The following TPP2 variants were observed in gnomAD, a reference collection of about 807,000 sequenced individuals.
TPP2 encodes tripeptidyl-peptidase 2.
Under a neutral mutation model 155.9 loss-of-function variants are expected in TPP2, and 34 were observed. The ratio of observed to expected loss-of-function variants is 0.22; its 90% CI spans 0.17 to 0.29. TPP2 has a LOEUF of 0.29. Among genes scored for constraint, TPP2 ranks in the 10% least tolerant of loss-of-function variants. TPP2 has a pLI of 1.00. For synonymous variants in TPP2, 510 were observed against 529.4 expected (o/e 0.96, Z 0.50); for missense variants, 1,028 against 1,522.3 (o/e 0.68, Z 5.40).
intron 6 of TPP2, among the ~76,000 whole-genome samples, chr13:102,624,923 G>C (rs1427674027): frequency 3.6e-5 from 5 of 139,464 alleles, no homozygotes; most frequent in South Asian, 2.4e-4. Context: ...CAGGTGGCAC[G>C]GTCTCGGCTC....
intron 22 of TPP2, 23 bp from the exon 23 acceptor site, chr13:102,649,385 T>C (rs771762783): frequency 1.3e-6 from 2 of 1,590,156 alleles, no homozygotes; most frequent in Non-Finnish European, 8.5e-7. Flanking sequence ...TTGCTTTTTT[T>C]CTCTTTGAAT....
intron 2 of TPP2, 86 bp downstream of exon 2, chr13:102,605,007 G>C: frequency 1.9e-6 from 3 of 1,567,424 alleles, no homozygotes; most frequent in Non-Finnish European, 2.6e-6. Context: ...ATTTGGTGGT[G>C]GTATTAGTTA....
At chr13:102,657,587 G>C (rs1883942974) in intron 25 of TPP2, among the ~76,000 whole-genome samples, 1 of 151,632 alleles carries the variant, frequency 6.6e-6, no homozygotes, top group Admixed American at 6.6e-5. Flanking sequence ...CCATTTTTCA[G>C]TTACTTTTTT....
intron 27 of TPP2, among the ~76,000 whole-genome samples, chr13:102,667,414 C>T (rs1056228899): frequency 1.3e-5 from 2 of 152,076 alleles, no homozygotes; most frequent in African/African-American, 4.8e-5. Context: ...AAAACATGAG[C>T]AAGATAGTCT....
chr13:102,657,861 G>T (rs1883960885), intron 25 of TPP2, among the ~76,000 whole-genome samples: 1 of 152,060 alleles, frequency 6.6e-6, no homozygotes, highest in African/African-American at 2.4e-5. Flanking sequence ...ACTCCATCTA[G>T]CTGTGTATGT....
At chr13:102,629,995 A>G (rs1326070527) in intron 9 of TPP2, 101 bp from the exon 10 acceptor site, 17 of 887,776 alleles carry the variant, frequency 1.9e-5, no homozygotes, top group Non-Finnish European at 2.3e-5. Context: ...TAGAGAGAGG[A>G]CTGGTGTTGA....
At chr13:102,656,430 G>A (rs902996760) in intron 24 of TPP2, among the ~76,000 whole-genome samples, 40 of 152,088 alleles carry the variant, frequency 2.6e-4, no homozygotes, top group African/African-American at 9.4e-4. Flanking sequence ...ATTGAGGGTC[G>A]TTTGCGTAAG....
At chr13:102,654,672 T>G (rs1411683163) in intron 24 of TPP2, among the ~76,000 whole-genome samples, 1 of 152,180 alleles carries the variant, frequency 6.6e-6, no homozygotes, top group Non-Finnish European at 1.5e-5. Flanking sequence ...GGAGAAAGAC[T>G]GGAGACCACT....
At position 102,658,782 on chromosome 13, in the gene TPP2, C is replaced by T. The variant is rs144741315; in HGVS notation, c.3143+1575C>T. Among the ~76,000 whole-genome samples, 1,203 of 152,284 alleles carry T rather than the reference C, an allele frequency of 7.9e-3. 5 individuals are homozygous for T. The highest frequency in any genetic ancestry group is 0.021 in the South Asian group (99 of 4,826). On this transcript the variant is annotated intron_variant, in intron 25 of 29. Transcript: ENST00000376052. ...TCCTGGGGGAGGGAAGGCTTTCCTCCTTGGAGGAGGAGGACGTCATCATTT... is the reference window on the plus strand; with the variant it reads ...TCCTGGGGGAGGGAAGGCTTTCCTCTTTGGAGGAGGAGGACGTCATCATTT...
Position 102,623,016 on chromosome 13 carries a change from C to G in TPP2, c.760C>G (p.Leu254Val), listed in dbSNP as rs770410309. The stretch of plus-strand genomic sequence containing the variant: ...CGTTAATATATACGATGATGGAAAC[C>G]TGCTCTCCATTGTGACCAGTGGAGG... ...YSVNIYDDGN[L>V]LSIVTSGGAH... Residue 254 changes from leucine to valine, a missense_variant, in exon 6 of 30, where the codon CTG becomes GTG. This residue lies in a region of TPP2 where 300 missense variants were observed against 398.3 expected (regional missense o/e 0.75). Transcript: ENST00000376052. 3.7e-6 allele frequency: 6 copies of G among 1,613,532 alleles called. No homozygotes were observed. Among genetic ancestry groups the G allele is most frequent in the Non-Finnish European group, 5.1e-6 (6 of 1,179,864 alleles).
chr13:102,610,725 C>T (rs1880235719), intron 2 of TPP2, among the ~76,000 whole-genome samples: 1 of 152,136 alleles, frequency 6.6e-6, no homozygotes, highest in Non-Finnish European at 1.5e-5. Context: ...TACTTATGAC[C>T]TATGGTACTC....
intron 2 of TPP2, among the ~76,000 whole-genome samples, chr13:102,611,196 C>T (rs868198439): frequency 6.6e-6 from 1 of 152,182 alleles, no homozygotes; most frequent in African/African-American, 2.4e-5. Flanking sequence ...ACATTCTATC[C>T]ATTCTGCTGT....
intron 20 of TPP2, among the ~76,000 whole-genome samples, 175 bp from the exon 21 acceptor site, chr13:102,647,032 G>C (rs1883152919): frequency 6.6e-6 from 1 of 152,006 alleles, no homozygotes; most frequent in Non-Finnish European, 1.5e-5. Context: ...TTGTAAGAGA[G>C]CAGTGACTTT....
chr13:102,638,412 C>G (rs1882532968), intron 15 of TPP2, 97 bp downstream of exon 15: 1 of 1,292,406 alleles, frequency 7.7e-7, no homozygotes, highest in South Asian at 1.2e-5. Flanking sequence ...AATACAGAAC[C>G]AGGTAATGGG....
chr13:102,606,156 C>G (rs1418647764), intron 2 of TPP2, among the ~76,000 whole-genome samples: 1 of 152,172 alleles, frequency 6.6e-6, no homozygotes, highest in Non-Finnish European at 1.5e-5. Flanking sequence ...ATTTGTGATC[C>G]TGTACTCTTA....
chr13:102,631,102 A>G (rs1428228492), intron 10 of TPP2, among the ~76,000 whole-genome samples: 3 of 152,242 alleles, frequency 2.0e-5, no homozygotes, highest in Admixed American at 1.3e-4. Flanking sequence ...CATGAACCCA[A>G]AGATGAGCAG....
intron 15 of TPP2, among the ~76,000 whole-genome samples, chr13:102,638,582 C>T (rs1882544954): frequency 6.6e-6 from 1 of 152,158 alleles, no homozygotes; most frequent in African/African-American, 2.4e-5. Context: ...TCTGCATTGC[C>T]CAGTTCAGAG....
At chr13:102,674,141 A>C in intron 27 of TPP2, 142 bp from the exon 28 acceptor site, 1 of 835,174 alleles carries the variant, frequency 1.2e-6, no homozygotes, top group Non-Finnish European at 1.8e-6. Context: ...TTGATGTACA[A>C]TACAATTGTA....
intron 25 of TPP2, 80 bp downstream of exon 25, chr13:102,657,287 T>C: frequency 2.6e-6 from 3 of 1,172,146 alleles, no homozygotes; most frequent in Non-Finnish European, 3.4e-6. Context: ...TATATATACA[T>C]AGACCGTATT....
Sources: allele counts gnomAD v4.1 joint callset (sites outside exome capture counted in the v4.1 genomes callset), GRCh38; gene constraint gnomAD v4.1.1; regional missense constraint gnomAD v4.1.1; transcripts MANE v1.5; gene names NCBI Gene and HGNC (gene_info 2026-07-23, HGNC 2026-07-21).